The following CNBD1 variants were observed in gnomAD, a reference collection of about 807,000 sequenced individuals.
CNBD1 encodes cyclic nucleotide binding domain containing 1.
CNBD1 carries 71 observed loss-of-function variants against 54.4 expected under a neutral mutation model. That is an observed-to-expected ratio of 1.30 (90% CI 1.08 to 1.59). CNBD1 has a LOEUF of 1.59. Ranked by LOEUF, CNBD1 falls within the 40% of genes most tolerant of loss-of-function variation. CNBD1 has a pLI of 0.00. For synonymous variants in CNBD1, 182 were observed against 170.7 expected (o/e 1.07, Z -0.51); for missense variants, 659 against 518.0 (o/e 1.27, Z -2.64).
chr8:86,956,045 A>G (rs1383545093), intron 4 of CNBD1, among the ~76,000 whole-genome samples: 10 of 152,186 alleles, frequency 6.6e-5, no homozygotes, highest in Non-Finnish European at 1.0e-4. Context: ...AGCTTTCTAC[A>G]TATGGCTAGC....
intron 9 of CNBD1, among the ~76,000 whole-genome samples, chr8:87,352,518 T>TAAAAAAAAAAAAAA (rs951597047): frequency 6.8e-6 from 1 of 146,142 alleles, no homozygotes; most frequent in African/African-American, 2.6e-5. Context: ...TCTTACAAAC[T>TAAAAAAAAAAAAAA]AAAAACTGGA....
intron 2 of CNBD1, among the ~76,000 whole-genome samples, chr8:87,399,397 C>A (rs1807504268): frequency 6.6e-6 from 1 of 152,092 alleles, no homozygotes; most frequent in Admixed American, 6.6e-5. Context: ...ACACCACCCA[C>A]CTCTTCATTT....
intron 2 of CNBD1, among the ~76,000 whole-genome samples, chr8:87,405,673 T>G (rs1238697783): frequency 6.6e-6 from 1 of 152,132 alleles, no homozygotes; most frequent in Non-Finnish European, 1.5e-5. Flanking sequence ...ATAGGCATTA[T>G]TCATACTGTG....
chr8:87,374,388 C>A (rs926486312), intron 10 of CNBD1, among the ~76,000 whole-genome samples: 1 of 151,870 alleles, frequency 6.6e-6, no homozygotes, highest in Middle Eastern at 3.4e-3. Flanking sequence ...GAGTTATGCA[C>A]AAATGATAAA....
chr8:87,258,430 T>A lies in CNBD1; in HGVS notation c.771+21318T>A, dbSNP rs1563527136. Among the ~76,000 whole-genome samples the A allele has an allele frequency of 1.0e-3, 158 of 151,130 alleles. 1 individual carries two copies. The highest frequency in any genetic ancestry group is 3.3e-3 in the African/African-American group (136 of 41,176). On this transcript the variant is annotated intron_variant, in intron 6 of 10. Transcript: ENST00000518476. ...AAAATTTTTCTTTTTTTTATTTCTTTTTTTTCTTTTTAAGATGGAGTCTCA... is the reference window on the plus strand; with the variant it reads ...AAAATTTTTCTTTTTTTTATTTCTTATTTTTCTTTTTAAGATGGAGTCTCA...
chr8:87,409,920 G>A (rs1050492345), intron 2 of CNBD1, among the ~76,000 whole-genome samples: 2 of 152,026 alleles, frequency 1.3e-5, no homozygotes, highest in Non-Finnish European at 2.9e-5. Flanking sequence ...CTACTCAGGA[G>A]GCTGAGGCAG....
chr8:87,184,252 A>G (rs1316410409), intron 4 of CNBD1, among the ~76,000 whole-genome samples: 1 of 152,168 alleles, frequency 6.6e-6, no homozygotes, highest in Non-Finnish European at 1.5e-5. Context: ...GCTGACGGCA[A>G]ACTTTTTAGT....
intron 1 of CNBD1, among the ~76,000 whole-genome samples, chr8:86,879,331 A>G (rs1808569429): frequency 6.6e-6 from 1 of 152,228 alleles, no homozygotes; most frequent in African/African-American, 2.4e-5. Context: ...ATATAAATTA[A>G]AAAGTCATAA....
At chr8:87,075,478 C>T (rs758898202) in intron 4 of CNBD1, among the ~76,000 whole-genome samples, 2 of 152,218 alleles carry the variant, frequency 1.3e-5, no homozygotes, top group Admixed American at 6.5e-5. Flanking sequence ...TTACCACATC[C>T]AGACAGTGAG....
At chr8:87,424,571 T>C (rs974081217) in intron 2 of CNBD1, among the ~76,000 whole-genome samples, 1 of 152,188 alleles carries the variant, frequency 6.6e-6, no homozygotes, top group African/African-American at 2.4e-5. Context: ...TCAGTTTCCA[T>C]GTAGTTGCGC....
At chr8:87,289,461 T>G (rs1377956300) in intron 8 of CNBD1, among the ~76,000 whole-genome samples, 1 of 152,084 alleles carries the variant, frequency 6.6e-6, no homozygotes, top group Non-Finnish European at 1.5e-5. Context: ...ACAACCAGCT[T>G]AGGTCACTAA....
intron 8 of CNBD1, among the ~76,000 whole-genome samples, chr8:87,327,017 C>T (rs1305430071): frequency 6.7e-6 from 1 of 149,652 alleles, no homozygotes; most frequent in Non-Finnish European, 1.5e-5. Flanking sequence ...AGTTTTCCTT[C>T]TAACAGACAG....
intron 10 of CNBD1, among the ~76,000 whole-genome samples, chr8:87,355,104 A>G (rs933035343): frequency 3.9e-5 from 6 of 152,246 alleles, no homozygotes; most frequent in Non-Finnish European, 7.3e-5. Context: ...GAGATATTTC[A>G]CAGACAAATT....
chr8:87,106,868 C>T (rs565638096), intron 4 of CNBD1, among the ~76,000 whole-genome samples: 6 of 152,098 alleles, frequency 3.9e-5, no homozygotes, highest in Non-Finnish European at 8.8e-5. Flanking sequence ...TTCTCTCTGT[C>T]ACCCAGGCTG....
intron 10 of CNBD1, among the ~76,000 whole-genome samples, chr8:87,358,834 G>T (rs1586044167): frequency 6.6e-6 from 1 of 152,124 alleles, no homozygotes; most frequent in South Asian, 2.1e-4. Context: ...GAAGGCCAGA[G>T]CACCAGGAAT....
At chr8:87,406,447 T>TACACACACACAC (rs36222951) in intron 2 of CNBD1, among the ~76,000 whole-genome samples, 9 of 122,152 alleles carry the variant, frequency 7.4e-5, no homozygotes, top group African/African-American at 2.9e-4. Context: ...TATGTGTGTA[T>TACACACACACAC]ACACACACAC....
At chr8:87,355,138 A>G (rs904137186) in intron 10 of CNBD1, among the ~76,000 whole-genome samples, 4 of 152,236 alleles carry the variant, frequency 2.6e-5, no homozygotes, top group South Asian at 2.1e-4. Context: ...GAGTGTTTGT[A>G]TGTATATTAT....
Position 87,298,105 on chromosome 8 carries a change from G to T in CNBD1, c.1042+11434G>T, listed in dbSNP as rs1053402952. On this transcript the variant is annotated intron_variant, in intron 8 of 10. Coordinates refer to ENST00000518476, the MANE Select transcript of CNBD1 (RefSeq NM_173538.3). ...ATTTACAGACATAATAATTATTTGA[G>T]AAAGTAATTTTCAAATTTTTTGTAA... is the stretch of plus-strand genomic sequence containing the variant. Among the ~76,000 whole-genome samples, 9 of 151,868 alleles carry T rather than the reference G, an allele frequency of 5.9e-5. No individual in the cohort carries two copies. The East Asian group carries it at 1.7e-3, about 29-fold the overall frequency.
intron 4 of CNBD1, among the ~76,000 whole-genome samples, chr8:87,190,684 C>A (rs1813582553): frequency 6.6e-6 from 1 of 151,702 alleles, no homozygotes; most frequent in Admixed American, 6.6e-5. Context: ...CTTTGAAGGC[C>A]CTTAAAGAGG....
Sources: gnomAD v4.1 joint callset for allele counts (sites outside exome capture counted in the v4.1 genomes callset) on GRCh38, gnomAD v4.1.1 for gene constraint, MANE v1.5 for transcripts, NCBI Gene and HGNC (gene_info 2026-07-23, HGNC 2026-07-21) for gene names.